MMP16: variants seen among roughly 807,000 people sequenced by gnomAD.
MMP16 encodes matrix metallopeptidase 16.
A neutral mutation model predicts 67.8 loss-of-function variants in MMP16; 12 were observed. The ratio of observed to expected loss-of-function variants is 0.18; its 90% CI spans 0.11 to 0.29. MMP16 has a LOEUF of 0.29. MMP16 is among the 10% of genes least tolerant of loss of function. The pLI is 1.00. For missense variants in MMP16, 475 were observed against 765.7 expected, an observed-to-expected ratio of 0.62 and a Z score of 4.48; for synonymous variants, 249 against 255.9, an observed-to-expected ratio of 0.97 and a Z score of 0.26.
chr8:88,083,648 TAAGA>T (rs1183031905), intron 6 of MMP16, among the ~76,000 whole-genome samples: 2 of 152,040 alleles, frequency 1.3e-5, no homozygotes, highest in African/African-American at 2.4e-5. Context: ...GAATTAACTA[TAAGA>T]AAGAGTTAAA....
chr8:88,260,034 T>A (rs1464714736), intron 1 of MMP16, among the ~76,000 whole-genome samples: 1 of 152,102 alleles, frequency 6.6e-6, no homozygotes, highest in Non-Finnish European at 1.5e-5. Context: ...CCAAATGAGG[T>A]GAAAAGCTAC....
intron 1 of MMP16, among the ~76,000 whole-genome samples, chr8:88,322,776 T>C (rs1385941116): frequency 2.6e-5 from 4 of 151,822 alleles, no homozygotes; most frequent in Non-Finnish European, 5.9e-5. Context: ...GCCCAGGAGG[T>C]TGAGGCTGTA....
At chr8:88,265,107 T>A (rs1810453818) in intron 1 of MMP16, among the ~76,000 whole-genome samples, 1 of 152,174 alleles carries the variant, frequency 6.6e-6, no homozygotes, top group South Asian at 2.1e-4. Flanking sequence ...AGAATCCTTT[T>A]ACGTTACTGC....
chr8:88,250,088 A>G (rs974446222), intron 1 of MMP16, among the ~76,000 whole-genome samples: 1 of 152,056 alleles, frequency 6.6e-6, no homozygotes, highest in African/African-American at 2.4e-5. Context: ...CACCAGAAAT[A>G]TGTTCTAGCT....
At chr8:88,113,422 T>C (rs1809374365) in intron 6 of MMP16, among the ~76,000 whole-genome samples, 1 of 151,710 alleles carries the variant, frequency 6.6e-6, no homozygotes, top group Non-Finnish European at 1.5e-5. Flanking sequence ...TGTGTAGAGT[T>C]TGTAATAAAC....
chr8:88,126,609 T>C (rs1807935386), intron 4 of MMP16, among the ~76,000 whole-genome samples: 1 of 151,872 alleles, frequency 6.6e-6, no homozygotes, highest in African/African-American at 2.4e-5. Flanking sequence ...AGATGAACAA[T>C]GCGTTAACTA....
chr8:88,261,792 C>CACACACAA (rs1321855639), intron 1 of MMP16, among the ~76,000 whole-genome samples: 1 of 151,520 alleles, frequency 6.6e-6, no homozygotes, highest in Non-Finnish European at 1.5e-5. Context: ...CACACACACA[C>CACACACAA]AACCATATAA....
chr8:88,070,491 A>T (rs1374696669), intron 7 of MMP16, among the ~76,000 whole-genome samples: 1 of 151,898 alleles, frequency 6.6e-6, no homozygotes, highest in Non-Finnish European at 1.5e-5. Context: ...CCTTTTCTAG[A>T]TTTGAGTAGT....
chr8:88,250,319 T>C (rs960415981), intron 1 of MMP16, among the ~76,000 whole-genome samples: 3 of 152,084 alleles, frequency 2.0e-5, no homozygotes, highest in Non-Finnish European at 4.4e-5. Flanking sequence ...AGGAATCATG[T>C]CTTTCTTAGT....
intron 1 of MMP16, among the ~76,000 whole-genome samples, chr8:88,241,816 TCAAA>T (rs1470592835): frequency 6.6e-6 from 1 of 151,868 alleles, no homozygotes; most frequent in Admixed American, 6.6e-5. Context: ...ATTCATTACT[TCAAA>T]CATTTATCAT....
chr8:88,156,989 G>A (rs1168267721), intron 4 of MMP16, among the ~76,000 whole-genome samples: 1 of 152,058 alleles, frequency 6.6e-6, no homozygotes, highest in Non-Finnish European at 1.5e-5. Context: ...TCAACATATT[G>A]TTGCAGCAGA....
intron 6 of MMP16, among the ~76,000 whole-genome samples, chr8:88,085,572 T>C (rs1808820641): frequency 6.6e-6 from 1 of 152,028 alleles, no homozygotes. Flanking sequence ...GCTCAAAATG[T>C]AGACTTTATT....
chr8:88,308,687 G>GA (rs1811249104), intron 1 of MMP16, among the ~76,000 whole-genome samples: 1 of 151,790 alleles, frequency 6.6e-6, no homozygotes, highest in East Asian at 1.9e-4. Flanking sequence ...CACATAAAAA[G>GA]AAAAAAGGTG....
chr8:88,049,325 T>G (rs901634117), intron 8 of MMP16, among the ~76,000 whole-genome samples: 1 of 152,242 alleles, frequency 6.6e-6, no homozygotes. Context: ...TTTAAATATT[T>G]AAATTAAACA....
intron 1 of MMP16, among the ~76,000 whole-genome samples, chr8:88,304,146 A>G (rs1182066644): frequency 6.6e-6 from 1 of 152,228 alleles, no homozygotes; most frequent in Non-Finnish European, 1.5e-5. Context: ...GAACTTCACA[A>G]TGCAATCACA....
chr8:88,081,372 AG>A (rs1808748548), intron 6 of MMP16, among the ~76,000 whole-genome samples: 1 of 152,188 alleles, frequency 6.6e-6, no homozygotes, highest in Admixed American at 6.5e-5. Context: ...AGAATTTCTC[AG>A]AAAATTTCTT....
chr8:88,158,438 C>T (rs998572532), intron 4 of MMP16, among the ~76,000 whole-genome samples: 2 of 152,190 alleles, frequency 1.3e-5, no homozygotes, highest in African/African-American at 2.4e-5. Context: ...AGCACTTTTT[C>T]ATGTGTCTGT....
chr8:88,225,320 CTG>C (rs1563567335), intron 1 of MMP16, among the ~76,000 whole-genome samples: 1 of 151,904 alleles, frequency 6.6e-6, no homozygotes, highest in East Asian at 1.9e-4. Flanking sequence ...TGCATACAGA[CTG>C]TGTTTGTCCA....
intron 1 of MMP16, among the ~76,000 whole-genome samples, chr8:88,204,393 T>C (rs1006423325): frequency 6.6e-6 from 1 of 152,126 alleles, no homozygotes; most frequent in Non-Finnish European, 1.5e-5. Context: ...ATGACTATTT[T>C]TAAGATAAAG....
Sources: gnomAD v4.1 joint callset for allele counts (sites outside exome capture counted in the v4.1 genomes callset) on GRCh38, gnomAD v4.1.1 for gene constraint, MANE v1.5 for transcripts, NCBI Gene and HGNC (gene_info 2026-07-23, HGNC 2026-07-21) for gene names.